LYST: variants seen among roughly 807,000 people sequenced by gnomAD.
The protein encoded by LYST is lysosomal trafficking regulator.
A neutral mutation model predicts 413.6 loss-of-function variants in LYST; 192 were observed. That is an observed-to-expected ratio of 0.46 (90% confidence interval 0.41 to 0.52). The LOEUF (loss-of-function observed/expected upper bound fraction) is 0.52. Ranked by LOEUF, LYST falls within the 20% of genes least tolerant of loss-of-function variation. LYST has a pLI of 0.00. For missense variants in LYST, 3,815 were observed against 4,499.9 expected (o/e 0.85, Z 4.35); for synonymous variants, 1,525 against 1,567.3 (o/e 0.97, Z 0.64).
chr1:235,882,451 T>C (rs567331298), intron 1 of LYST, among the ~76,000 whole-genome samples: 1 of 152,204 alleles, frequency 6.6e-6, no homozygotes, highest in African/African-American at 2.4e-5. Context: ...GCTGGATATA[T>C]GCCCAAGCTT....
rs531458094 is a variant in LYST, at chr1:235,730,325, A to G, written c.9044+522T>C. On this transcript the variant is annotated intron_variant, in intron 36 of 52. Coordinates refer to ENST00000389793, the MANE Select transcript of LYST (RefSeq NM_000081.4). ...CTATTATTATTTCTTCATTTAATAG[A>G]TGAGGTAACTGAGACAGAGAGGTTA... is the stretch of plus-strand genomic sequence containing the variant. 5.3e-5 allele frequency among the ~76,000 whole-genome samples: 8 copies of G among 152,170 alleles called. No homozygotes were observed. In the East Asian group the frequency reaches 1.5e-3, roughly 29 times the overall value.
intron 1 of LYST, chr1:235,853,029 G>C (rs1678726410): frequency 5.9e-6 from 1 of 170,384 alleles, no homozygotes; most frequent in South Asian, 2.0e-4. Context: ...TTTCTGTGTG[G>C]ACAGGACAGA....
In LYST at chr1:235,686,125, G is replaced by A. The variant is rs1219256879; in HGVS notation, c.10800+824C>T. ...CTCACACCTATAATCCCAGCACTTT[G>A]GGAGGCCGAGGTGGGAGGATCACTT... On this transcript the variant is annotated intron_variant, in intron 48 of 52. Transcript: ENST00000389793. This position sits in a 1 kb window ranked among gnomAD's most constrained non-coding sequence, Gnocchi z 4.0. Among the ~76,000 whole-genome samples, 3 of 151,788 alleles carry A rather than the reference G, an allele frequency of 2.0e-5. No individual in the cohort carries two copies. The highest frequency in any genetic ancestry group is 3.9e-4 in the East Asian group (2 of 5,126).
At position 235,829,905 on chromosome 1, in the gene LYST, A is replaced by G. The variant is rs571746241; in HGVS notation, c.192+321T>C. The stretch of plus-strand genomic sequence containing the variant: ...AATGAAAATTCATCATGTTTCTGAC[A>G]TAAGATACAGGGATATAAGATTATG... On this transcript the variant is annotated intron_variant, in intron 3 of 52. Transcript: ENST00000389793. The G allele has an allele frequency of 4.5e-4, 86 of 189,254 alleles. 1 individual carries two copies. In the East Asian group the frequency reaches 7.8e-3, roughly 17 times the overall value. 11.7% of individuals were successfully genotyped at this position (189,254 alleles called of 1,614,324 possible).
intron 5 of LYST, among the ~76,000 whole-genome samples, chr1:235,807,357 G>C (rs1256369013): frequency 1.3e-5 from 2 of 152,204 alleles, no homozygotes; most frequent in Admixed American, 6.5e-5. Flanking sequence ...TCTCAGGTGA[G>C]ACTTGTGTCT....
chr1:235,697,714 G>A (rs548208343), intron 45 of LYST, among the ~76,000 whole-genome samples: 28 of 152,260 alleles, frequency 1.8e-4, no homozygotes, highest in African/African-American at 6.5e-4. Flanking sequence ...TTGAAGAGAG[G>A]GAACACCTCT....
At position 235,730,913 on chromosome 1, in the gene LYST, A is replaced by G; in HGVS notation, c.8978T>C (p.Phe2993Ser). The change falls in exon 36 of 53, where the codon TTT (phenylalanine) becomes TCT (serine). Residue 2993 changes from phenylalanine to serine, a missense_variant. Coordinates refer to ENST00000389793, the MANE Select transcript of LYST (RefSeq NM_000081.4). ...DVVKPPLSYL[F>S]EDKTHSSFSS... ...GAAAGAAGAATGAGTTTTGTCTTCA[A>G]ACAGGTAAGAGAGTGGTGGTTTGAC... is the stretch of plus-strand genomic sequence containing the variant. 1 of 1,613,756 alleles carries G rather than the reference A, an allele frequency of 6.2e-7. No individual in the cohort carries two copies. Among genetic ancestry groups the G allele is most frequent in the South Asian group, 1.1e-5 (1 of 91,078 alleles).
At chr1:235,847,810 T>C (rs1236867156) in intron 1 of LYST, among the ~76,000 whole-genome samples, 1 of 152,196 alleles carries the variant, frequency 6.6e-6, no homozygotes, top group Non-Finnish European at 1.5e-5. Context: ...CATTATATAA[T>C]GGTAAAAGGC....
intron 1 of LYST, among the ~76,000 whole-genome samples, chr1:235,857,685 G>A (rs923521664): frequency 2.0e-5 from 3 of 149,046 alleles, no homozygotes; most frequent in Non-Finnish European, 3.0e-5. Flanking sequence ...GTGCGCGTGT[G>A]CACACAGGTG....
intron 50 of LYST, among the ~76,000 whole-genome samples, chr1:235,676,535 G>C (rs1453860082): frequency 6.6e-6 from 1 of 152,162 alleles, no homozygotes. Flanking sequence ...AGTAACTGTG[G>C]AATGATCTAT....
chr1:235,733,369 A>C (rs1433083580), intron 34 of LYST, 134 bp downstream of exon 34: 2 of 770,116 alleles, frequency 2.6e-6, no homozygotes, highest in Non-Finnish European at 4.3e-6. Context: ...TGAAAAAAAC[A>C]TCACAAATGA....
At chr1:235,822,766 T>C (rs1257732265) in intron 3 of LYST, among the ~76,000 whole-genome samples, 1 of 152,220 alleles carries the variant, frequency 6.6e-6, no homozygotes, top group African/African-American at 2.4e-5. Context: ...TGTGACTAGC[T>C]TTGACCAATA....
chr1:235,676,612 C>T (rs142775666), intron 50 of LYST, among the ~76,000 whole-genome samples: 11 of 152,242 alleles, frequency 7.2e-5, no homozygotes, highest in African/African-American at 1.9e-4. Flanking sequence ...CTCCTCTGCT[C>T]GGCTCTCTGG....
intron 4 of LYST, among the ~76,000 whole-genome samples, chr1:235,810,867 G>C (rs959112237): frequency 1.3e-5 from 2 of 152,212 alleles, no homozygotes; most frequent in Non-Finnish European, 2.9e-5. Flanking sequence ...AGAGAGGCTG[G>C]GTGAGGTGGC....
chr1:235,836,543 A>G (rs1467602376), intron 1 of LYST, among the ~76,000 whole-genome samples: 4 of 152,224 alleles, frequency 2.6e-5, no homozygotes, highest in Non-Finnish European at 5.9e-5. Flanking sequence ...AGCCACTGAG[A>G]TAAATGTATG....
intron 1 of LYST, among the ~76,000 whole-genome samples, chr1:235,865,484 G>T (rs1680409013): frequency 6.6e-6 from 1 of 152,170 alleles, no homozygotes; most frequent in Admixed American, 6.5e-5. Flanking sequence ...CGCAGTAGGT[G>T]CTCAATAAAT....
chr1:235,866,292 C>A (rs1479143991), intron 1 of LYST, among the ~76,000 whole-genome samples: 1 of 152,142 alleles, frequency 6.6e-6, no homozygotes, highest in African/African-American at 2.4e-5. Flanking sequence ...GTGTCACGGA[C>A]AGGAGGAAAG....
chr1:235,740,705 TTGA>T (rs1665303837), intron 31 of LYST, among the ~76,000 whole-genome samples: 2 of 152,350 alleles, frequency 1.3e-5, no homozygotes, highest in Non-Finnish European at 2.9e-5. Flanking sequence ...CATTCTTCTG[TTGA>T]TAAGCATTTG....
chr1:235,799,361 T>C (rs972553430), intron 10 of LYST, among the ~76,000 whole-genome samples: 1 of 152,186 alleles, frequency 6.6e-6, no homozygotes, highest in Non-Finnish European at 1.5e-5. Flanking sequence ...AAGATACTTA[T>C]TAATTATAAA....
Sources: gnomAD v4.1 joint callset for allele counts (sites outside exome capture counted in the v4.1 genomes callset) on GRCh38, gnomAD v4.1.1 for gene constraint, Gnocchi (gnomAD v3.1) non-coding constraint, MANE v1.5 for transcripts, NCBI Gene and HGNC (gene_info 2026-07-23, HGNC 2026-07-21) for gene names.